Variants in SUN2 observed in about 807,000 individuals in gnomAD.
The protein encoded by SUN2 is SUN domain-containing protein 2.
SUN2 carries 60 observed loss-of-function variants against 100.0 expected under a neutral mutation model. The observed-to-expected ratio is 0.60, with a 90% CI of 0.49 to 0.74. SUN2 has a LOEUF of 0.74. Among genes scored for constraint, SUN2 ranks in the 30% least tolerant of loss-of-function variants. SUN2 has a pLI of 0.00. For synonymous variants in SUN2, 367 were observed against 403.3 expected (o/e 0.91, Z 1.08); for missense variants, 834 against 954.6 (o/e 0.87, Z 1.66).
chr22:38,747,336 A>T (rs2092912100), intron 7 of SUN2, among the ~76,000 whole-genome samples: 2 of 151,924 alleles, frequency 1.3e-5, no homozygotes, highest in Admixed American at 1.3e-4. Context: ...CGTCTCAAAA[A>T]AAAAAAAAAA....
rs571499480 is a variant in SUN2, at chr22:38,736,206, A to T, written c.*61T>A. ...AGAGCGCCGAGCAAGCGTGTGGGGGAAGCGGCGGGGTGCTGTTCACCCACT... is the reference window on the plus strand; with the variant it reads ...AGAGCGCCGAGCAAGCGTGTGGGGGTAGCGGCGGGGTGCTGTTCACCCACT... On this transcript the variant is annotated 3_prime_UTR_variant, in exon 18 of 18. Coordinates refer to ENST00000689035, the MANE Select transcript of SUN2 (RefSeq NM_015374.3). The T allele has an allele frequency of 8.1e-6, 12 of 1,485,740 alleles. No individual in the cohort carries two copies. The East Asian group carries it at 2.7e-4, about 34-fold the overall frequency. The allele number at this position is 1,485,740 out of a possible 1,614,324, so 92.0% of individuals were successfully genotyped here.
In SUN2 at chr22:38,739,948, A is replaced by G; in HGVS notation, c.1357-5T>C. 6.2e-7 allele frequency: 1 copy of G among 1,608,642 alleles called. No homozygotes were observed. The highest frequency in any genetic ancestry group is 8.5e-7 in the Non-Finnish European group (1 of 1,179,574). ...GGCCGGGAACTGAGATTCCACCTAT[A>G]GGAACCCAAAGGGGTGTCACCCTGG... On this transcript the variant is annotated splice_polypyrimidine_tract_variant and splice_region_variant and intron_variant, in intron 12 of 17. Coordinates refer to ENST00000689035, the MANE Select transcript of SUN2 (RefSeq NM_015374.3). The surrounding 1 kb of genome is among the most constrained non-coding windows in gnomAD (Gnocchi z 6.7).
intron 8 of SUN2, chr22:38,743,760 A>G (rs2092879655): frequency 6.6e-6 from 1 of 152,124 alleles, no homozygotes; most frequent in South Asian, 2.1e-4. Context: ...CCTTTTTTAC[A>G]AAAAAGATGG....
At chr22:38,754,623 C>T (rs755615875) in intron 1 of SUN2, 2 of 1,176,588 alleles carry the variant, frequency 1.7e-6, no homozygotes, top group South Asian at 2.5e-5. Context: ...CCTCCCTGCC[C>T]CGCCCGTACG....
chr22:38,739,506 C>T lies in SUN2; in HGVS notation c.1579-80G>A, dbSNP rs573706772. The T allele has an allele frequency of 1.8e-5, 28 of 1,515,158 alleles. No individual in the cohort carries two copies. In the South Asian group the frequency reaches 2.9e-4, roughly 16 times the overall value. The allele number at this position is 1,515,158 out of a possible 1,614,324, so 93.9% of individuals were successfully genotyped here. A position where few individuals can be genotyped will look rare whatever the true frequency, so the allele number is the denominator to read the frequency against. On this transcript the variant is annotated intron_variant, in intron 13 of 17. Transcript: ENST00000689035. This position sits in a 1 kb window ranked among gnomAD's most constrained non-coding sequence, Gnocchi z 6.7. The stretch of plus-strand genomic sequence containing the variant: ...TCACCTCGTGGCCGTGGGCCAAGGA[C>T]CCATGGGCTGACCCCTTCTAGGCTT...
chr22:38,738,447 G>C lies in SUN2; in HGVS notation c.1947+140C>G. On this transcript the variant is annotated intron_variant, in intron 16 of 17. Transcript: ENST00000689035. The surrounding 1 kb of genome is among the most constrained non-coding windows in gnomAD (Gnocchi z 6.6). ...CTAAGGTAACAGGGACTGAAGTGCT[G>C]TCTCCCACCCTAGCTCCTCCTCTTC... is the stretch of plus-strand genomic sequence containing the variant. 1 of 1,244,376 alleles carries C rather than the reference G, an allele frequency of 8.0e-7. No individual in the cohort carries two copies. Among genetic ancestry groups the C allele is most frequent in the South Asian group, 1.4e-5 (1 of 71,808 alleles). The allele number at this position is 1,244,376 out of a possible 1,614,324, so 77.1% of individuals were successfully genotyped here.
intron 6 of SUN2, 163 bp from the exon 7 acceptor site, chr22:38,748,946 C>T (rs748517052): frequency 2.0e-5 from 13 of 654,836 alleles, no homozygotes; most frequent in Admixed American, 5.4e-5. Flanking sequence ...AGCCTGGACA[C>T]GTCAGAGCCT....
Position 38,739,332 on chromosome 22 carries a change from G to C in SUN2, c.1663+10C>G, listed in dbSNP as rs372134058. ...AGGACAAGGCAGAGCGAGGAAAGCAGAGCACGTACCTCCTGACTCCAGGGC... is the reference window on the plus strand; with the variant it reads ...AGGACAAGGCAGAGCGAGGAAAGCACAGCACGTACCTCCTGACTCCAGGGC... On this transcript the variant is annotated intron_variant, in intron 14 of 17. Transcript: ENST00000689035. This position sits in a 1 kb window ranked among gnomAD's most constrained non-coding sequence, Gnocchi z 6.7. 9.0e-5 allele frequency: 145 copies of C among 1,612,672 alleles called. No individual in the cohort carries two copies. In the African/African-American group the frequency reaches 1.7e-3, roughly 19 times the overall value.
In SUN2 at chr22:38,738,039, A is replaced by G. The variant is rs1477351157; in HGVS notation, c.2040+134T>C. 1 of 822,404 alleles carries G rather than the reference A, an allele frequency of 1.2e-6. No homozygotes were observed. Among genetic ancestry groups the G allele is most frequent in the South Asian group, 1.4e-5 (1 of 71,628 alleles). 50.9% of individuals were successfully genotyped at this position (822,404 alleles called of 1,614,324 possible). A position where few individuals can be genotyped will look rare whatever the true frequency, so the allele number is the denominator to read the frequency against. ...GTGTTACACCCCATTTGGATATCAC[A>G]TCTTGAGCTGTGGGAAAGGAGAGCA... On this transcript the variant is annotated intron_variant, in intron 17 of 17. Coordinates refer to ENST00000689035, the MANE Select transcript of SUN2 (RefSeq NM_015374.3). This position sits in a 1 kb window ranked among gnomAD's most constrained non-coding sequence, Gnocchi z 6.6.
chr22:38,743,587 C>CAAAAAA (rs34676418), intron 8 of SUN2: 3 of 84,970 alleles, frequency 3.5e-5, no homozygotes, highest in Non-Finnish European at 2.2e-5. Flanking sequence ...GACTCCGTCT[C>CAAAAAA]AAAAAAAAAA....
At position 38,740,392 on chromosome 22, in the gene SUN2, G is replaced by C. The variant is rs552540669; in HGVS notation, c.1231C>G (p.Leu411Val). The change falls in exon 12 of 18, where the codon CTG (leucine) becomes GTG (valine). Residue 411 changes from leucine (L) to valine (V), a missense_variant. By Grantham distance (32) the Leu-to-Val change is conservative (BLOSUM62 1). Transcript: ENST00000689035. This position sits in a 1 kb window ranked among gnomAD's most constrained non-coding sequence, Gnocchi z 4.8. ...ESFQESSVKE[L>V]RRLEDQLAGL... ...GCCAGCTGGTCCTCCAGCCGCCTCA[G>C]CTCCTTCACAGAGCTCTCCTGGAAG... 196 of 1,573,346 alleles carry C rather than the reference G, an allele frequency of 1.2e-4. 4 individuals carry two copies. In the South Asian group the frequency reaches 2.1e-3, roughly 17 times the overall value.
chr22:38,749,786 A>G lies in SUN2; in HGVS notation c.594T>C (p.Leu198=). The change falls in exon 6 of 18, where the codon CTT becomes CTC. Residue 198 remains leucine (L), a synonymous_variant. Coordinates refer to ENST00000689035, the MANE Select transcript of SUN2 (RefSeq NM_015374.3). ...WYRLTTAASL[L]DVFVLTRRFS... is the part of the protein sequence containing the mutation. Reference sequence around the variant, plus strand: ...CTCACCTGGTTAAAACGAAGACGTCAAGGAGGGAGGCAGCTGTGGTCAGGC... The same window carrying G: ...CTCACCTGGTTAAAACGAAGACGTCGAGGAGGGAGGCAGCTGTGGTCAGGC... The G allele has an allele frequency of 6.2e-7, 1 of 1,614,132 alleles. No homozygotes were observed. The highest frequency in any genetic ancestry group is 8.5e-7 in the Non-Finnish European group (1 of 1,180,008).
chr22:38,738,842 G>GCCC lies in SUN2; in HGVS notation c.1779+28_1779+30dup. On this transcript the variant is annotated intron_variant, in intron 15 of 17. Coordinates refer to ENST00000689035, the MANE Select transcript of SUN2 (RefSeq NM_015374.3). This position sits in a 1 kb window ranked among gnomAD's most constrained non-coding sequence, Gnocchi z 6.6. Reference sequence around the variant, plus strand: ...GGGACCAGCCCTCAGTGTGCTCAGAGCCCCCGCTGCTGTGCTTGCCAGGTG... The same window carrying GCCC: ...GGGACCAGCCCTCAGTGTGCTCAGAGCCCCCCCCGCTGCTGTGCTTGCCAGGTG... 1.3e-6 allele frequency: 2 copies of GCCC among 1,595,174 alleles called. No homozygotes were observed. The highest frequency in any genetic ancestry group is 1.7e-6 in the Non-Finnish European group (2 of 1,167,942).
In SUN2 at chr22:38,755,066, C is replaced by A. The variant is rs1029540042; in HGVS notation, c.-38+697G>T. 1.7e-5 allele frequency: 18 copies of A among 1,046,314 alleles called. No individual in the cohort carries two copies. The African/African-American group carries it at 3.0e-4, about 17-fold the overall frequency. 64.8% of individuals were successfully genotyped at this position (1,046,314 alleles called of 1,614,324 possible). ...GAAACGCTCATCGGAAAGCATCCTT[C>A]CCCACTTCTCAGCTGGGCGACTTCC... On this transcript the variant is annotated intron_variant, in intron 1 of 17. Coordinates refer to ENST00000689035, the MANE Select transcript of SUN2 (RefSeq NM_015374.3). This position sits in a 1 kb window ranked among gnomAD's most constrained non-coding sequence, Gnocchi z 5.7.
Position 38,740,303 on chromosome 22 carries a change from G to T in SUN2, c.1320C>A (p.Gly440=). The change falls in exon 12 of 18, where the codon GGC becomes GGA. Residue 440 remains glycine (G), a synonymous_variant. Coordinates refer to ENST00000689035, the MANE Select transcript of SUN2 (RefSeq NM_015374.3). The surrounding 1 kb of genome is among the most constrained non-coding windows in gnomAD (Gnocchi z 4.8). ...LKQSSVAEEV[G]LLPQQIQAVR... ...CGGCCTGGATCTGCTGGGGCAGCAG[G>T]CCCACTTCTTCCGCCACCGAGCTCT... The T allele has an allele frequency of 6.2e-7, 1 of 1,603,716 alleles. No individual in the cohort carries two copies. Among genetic ancestry groups the T allele is most frequent in the Non-Finnish European group, 8.5e-7 (1 of 1,175,952 alleles).
At position 38,740,798 on chromosome 22, in the gene SUN2, C is replaced by G. The variant is rs1044638523; in HGVS notation, c.1190+209G>C. 4.1e-5 allele frequency: 25 copies of G among 611,312 alleles called. No individual in the cohort carries two copies. Among genetic ancestry groups the G allele is most frequent in the Middle Eastern group, 4.4e-4 (1 of 2,268 alleles). The allele number at this position is 611,312 out of a possible 1,614,324, so 37.9% of individuals were successfully genotyped here. Reference sequence around the variant, plus strand: ...CGGTCCTCTCACACAGCCTGCCCCCCGCCCTCAGGACCCCCCTGCTAACCT... The same window carrying G: ...CGGTCCTCTCACACAGCCTGCCCCCGGCCCTCAGGACCCCCCTGCTAACCT... On this transcript the variant is annotated intron_variant, in intron 11 of 17. Transcript: ENST00000689035. This position sits in a 1 kb window ranked among gnomAD's most constrained non-coding sequence, Gnocchi z 4.8.
chr22:38,752,748 C>T (rs765529643), intron 1 of SUN2, 83 bp from the exon 2 acceptor site: 220 of 1,445,288 alleles, frequency 1.5e-4, no homozygotes, highest in Non-Finnish European at 1.8e-4. Context: ...ACAGAGGCAT[C>T]GCCTCACAGC....
At position 38,738,482 on chromosome 22, in the gene SUN2, T is replaced by G; in HGVS notation, c.1947+105A>C. 6.9e-7 allele frequency: 1 copy of G among 1,457,350 alleles called. No homozygotes were observed. Among genetic ancestry groups the G allele is most frequent in the Non-Finnish European group, 9.4e-7 (1 of 1,068,450 alleles). The allele number at this position is 1,457,350 out of a possible 1,614,324, so 90.3% of individuals were successfully genotyped here. On this transcript the variant is annotated intron_variant, in intron 16 of 17. Transcript: ENST00000689035. This position sits in a 1 kb window ranked among gnomAD's most constrained non-coding sequence, Gnocchi z 6.6. ...CTAGCTCCTCCTCTTCCAAATCCAC[T>G]CCCCTCCCTTCCAGTCCAAGGGTGA...
intron 7 of SUN2, among the ~76,000 whole-genome samples, chr22:38,747,488 G>A (rs905962997): frequency 4.6e-5 from 7 of 152,184 alleles, no homozygotes; most frequent in African/African-American, 1.7e-4. Context: ...AGAAATACAA[G>A]TTGAATGATA....
Sources: allele counts gnomAD v4.1 joint callset (sites outside exome capture counted in the v4.1 genomes callset), GRCh38; gene constraint gnomAD v4.1.1; non-coding constraint Gnocchi (gnomAD v3.1); transcripts MANE v1.5; gene names NCBI Gene and HGNC (gene_info 2026-07-23, HGNC 2026-07-21).